MAPT: variants seen among roughly 807,000 people sequenced by gnomAD.
MAPT encodes the protein microtubule associated protein tau, also known as microtubule-associated protein tau.
In MAPT, 34 loss-of-function variants were observed where a neutral mutation model predicts 67.9. The ratio of observed to expected loss-of-function variants is 0.50; its 90% CI spans 0.38 to 0.67. MAPT has a LOEUF of 0.67. Among genes scored for constraint, MAPT ranks in the 30% least tolerant of loss-of-function variants. The probability of loss-of-function intolerance (pLI) is 0.00; values close to 1 mark genes in which losing one functional copy is unlikely to be tolerated. For missense variants in MAPT, 881 were observed against 1,115.2 expected (o/e 0.79, Z 2.99); for synonymous variants, 456 against 464.5 (o/e 0.98, Z 0.23).
At chr17:45,952,770 A>G (rs151268513) in intron 1 of MAPT, among the ~76,000 whole-genome samples, 1,719 of 152,324 alleles carry the variant, frequency 0.011, 14 homozygotes, top group Middle Eastern at 0.024. Context: ...CTGAAGGTTG[A>G]GAGAAGTGGC....
At chr17:45,938,810 A>ATTT (rs368157488) in intron 1 of MAPT, among the ~76,000 whole-genome samples, 5,668 of 117,958 alleles carry the variant, frequency 0.048, 234 homozygotes, top group African/African-American at 0.055. Context: ...TGCCCAGCTA[A>ATTT]TTTTTTTTTT....
intron 1 of MAPT, among the ~76,000 whole-genome samples, chr17:45,914,438 C>T (rs532296136): frequency 1.3e-5 from 2 of 152,292 alleles, no homozygotes; most frequent in Non-Finnish European, 2.9e-5. Context: ...TGGCCTCTGA[C>T]GGAATGGAGC....
chr17:45,985,174 G>A lies in MAPT; in HGVS notation c.1351+1244G>A, dbSNP rs776531401. The stretch of plus-strand genomic sequence containing the variant: ...CAAAAAATTAGCTGGGCGTGGTGGC[G>A]GGCACCTGTAGTCCCAGCTACTGGG... On this transcript the variant is annotated intron_variant, in intron 5 of 12. Transcript: ENST00000262410. Among the ~76,000 whole-genome samples, 16 of 152,092 alleles carry A rather than the reference G, an allele frequency of 1.1e-4. No homozygotes were observed. The Middle Eastern group carries it at 0.01, about 97-fold the overall frequency.
chr17:45,904,270 A>G (rs1468910245), intron 1 of MAPT, among the ~76,000 whole-genome samples: 1 of 47,122 alleles, frequency 2.1e-5, no homozygotes, highest in African/African-American at 6.6e-5. Context: ...TATTATATAT[A>G]TTTTTATATA....
At chr17:46,014,649 TG>T (rs1273170309) in intron 11 of MAPT, among the ~76,000 whole-genome samples, 1 of 151,640 alleles carries the variant, frequency 6.6e-6, no homozygotes, top group African/African-American at 2.4e-5. Flanking sequence ...CCAAGGTGGG[TG>T]GATCATGAGG....
chr17:45,947,221 G>C (rs953642136), intron 1 of MAPT, among the ~76,000 whole-genome samples: 1 of 151,756 alleles, frequency 6.6e-6, no homozygotes, highest in African/African-American at 2.4e-5. Context: ...GGCGCCACTT[G>C]TGGTGGGCAG....
chr17:45,928,002 GAAAAA>G (rs35954789), intron 1 of MAPT, among the ~76,000 whole-genome samples: 7 of 55,188 alleles, frequency 1.3e-4, no homozygotes, highest in African/African-American at 3.7e-4. Flanking sequence ...TCCGTCTCAG[GAAAAA>G]AAAAAAAAAA....
intron 1 of MAPT, among the ~76,000 whole-genome samples, chr17:45,956,576 ATATATATATATATATATATATATATT>A (rs1379291580): frequency 3.3e-3 from 11 of 3,356 alleles, no homozygotes; most frequent in Non-Finnish European, 0.01. Flanking sequence ...ATATATATAT[ATATATATATATATATATATATATATT>A]TTTTATTATT....
At chr17:45,959,886 G>C (rs1405356700) in intron 1 of MAPT, among the ~76,000 whole-genome samples, 2 of 152,140 alleles carry the variant, frequency 1.3e-5, no homozygotes, top group Non-Finnish European at 2.9e-5. Flanking sequence ...ATTAGGGGAT[G>C]GTTAGGAAAA....
At chr17:45,920,056 C>G (rs545044314) in intron 1 of MAPT, among the ~76,000 whole-genome samples, 11 of 152,388 alleles carry the variant, frequency 7.2e-5, no homozygotes, top group Admixed American at 7.2e-4. Context: ...CTGCCATAGA[C>G]AGGGAACCTT....
intron 2 of MAPT, among the ~76,000 whole-genome samples, chr17:45,966,927 T>C (rs531306908): frequency 6.6e-6 from 1 of 152,354 alleles, no homozygotes; most frequent in Admixed American, 6.5e-5. Context: ...AGAAAGCAAG[T>C]AATACTTAAG....
intron 1 of MAPT, among the ~76,000 whole-genome samples, chr17:45,910,401 GT>G (rs2064682060): frequency 6.6e-6 from 1 of 152,106 alleles, no homozygotes; most frequent in Admixed American, 6.5e-5. Flanking sequence ...TTTGAGGCCG[GT>G]AGGGGATTCG....
intron 1 of MAPT, among the ~76,000 whole-genome samples, chr17:45,954,897 T>C (rs1485499458): frequency 1.3e-5 from 2 of 151,972 alleles, no homozygotes; most frequent in Non-Finnish European, 2.9e-5. Flanking sequence ...GGCAGGAGAA[T>C]GTCTTGAACC....
In MAPT at chr17:45,903,926, TA is replaced by T. The variant is rs1457874998; in HGVS notation, c.-18+9241del. On this transcript the variant is annotated intron_variant, in intron 1 of 12. Coordinates refer to ENST00000262410, the MANE Select transcript of MAPT (RefSeq NM_001377265.1). The stretch of plus-strand genomic sequence containing the variant: ...TATTTATATATTATATATTTATATA[TA>T]TTATATATTTATATATAATATATAT... Among the ~76,000 whole-genome samples the T allele has an allele frequency of 7.2e-4, 26 of 36,128 alleles. 1 individual carries two copies. The highest frequency in any genetic ancestry group is 2.1e-3 in the African/African-American group (21 of 9,808). The allele number at this position is 36,128 out of a possible 152,430, so 23.7% of individuals were successfully genotyped here.
chr17:46,018,803 T>C, intron 12 of MAPT, 73 bp downstream of exon 12: 1 of 1,113,652 alleles, frequency 9.0e-7, no homozygotes, highest in East Asian at 2.4e-5. Flanking sequence ...GGACAAAGGC[T>C]GGTCCAGTTC....
At position 45,971,172 on chromosome 17, in the gene MAPT, C is replaced by G. The variant is rs915627466; in HGVS notation, c.134-687C>G. On this transcript the variant is annotated intron_variant, in intron 2 of 12. Coordinates refer to ENST00000262410, the MANE Select transcript of MAPT (RefSeq NM_001377265.1). The surrounding 1 kb of genome is among the most constrained non-coding windows in gnomAD (Gnocchi z 4.3). ...CTCATTTCTATTAAGGCAACAAAAG[C>G]TGCCTTACTAAGGACATTCTTGGTG... is the stretch of plus-strand genomic sequence containing the variant. Among the ~76,000 whole-genome samples, 9 of 152,188 alleles carry G rather than the reference C, an allele frequency of 5.9e-5. No homozygotes were observed. Among genetic ancestry groups the G allele is most frequent in the African/African-American group, 2.2e-4 (9 of 41,436 alleles).
intron 1 of MAPT, among the ~76,000 whole-genome samples, chr17:45,900,950 G>C (rs1597823009): frequency 6.6e-6 from 1 of 152,152 alleles, no homozygotes; most frequent in East Asian, 1.9e-4. Context: ...GGTGTCCTGT[G>C]GATGAGTGCT....
Position 46,026,096 on chromosome 17 carries a change from A to AG in MAPT, c.*1925_*1926insG. The AG allele has an allele frequency of 6.6e-6, 1 of 152,250 alleles. No homozygotes were observed. The highest frequency in any genetic ancestry group is 2.4e-5 in the African/African-American group (1 of 41,480). 9.4% of individuals were successfully genotyped at this position (152,250 alleles called of 1,614,324 possible). A position where few individuals can be genotyped will look rare whatever the true frequency, so the allele number is the denominator to read the frequency against. The stretch of plus-strand genomic sequence containing the variant: ...GACTATGATAGTGAAAAGAAAAAAA[A>AG]AAAAAAAAAAGGACGCATGTATCTT... On this transcript the variant is annotated 3_prime_UTR_variant, in exon 13 of 13. Transcript: ENST00000262410.
At chr17:45,927,016 C>CAT (rs771605221) in intron 1 of MAPT, among the ~76,000 whole-genome samples, 8 of 150,164 alleles carry the variant, frequency 5.3e-5, no homozygotes, top group Non-Finnish European at 1.0e-4. Context: ...TATACACACA[C>CAT]ACATACATAC....
Sources: gnomAD v4.1 joint callset for allele counts (sites outside exome capture counted in the v4.1 genomes callset) on GRCh38, gnomAD v4.1.1 for gene constraint, Gnocchi (gnomAD v3.1) non-coding constraint, MANE v1.5 for transcripts, NCBI Gene and HGNC (gene_info 2026-07-23, HGNC 2026-07-21) for gene names.